ARHGAP15: variants seen among roughly 807,000 people sequenced by gnomAD.
The protein encoded by ARHGAP15 is rho GTPase-activating protein 15.
A neutral mutation model predicts 63.7 loss-of-function variants in ARHGAP15; 51 were observed. The observed-to-expected ratio is 0.80, with a 90% CI of 0.64 to 1.01. ARHGAP15 has a LOEUF of 1.01. Ranked by LOEUF, ARHGAP15 falls within the 50% of genes least tolerant of loss-of-function variation. The probability of loss-of-function intolerance (pLI) is 0.00; values close to 1 mark genes in which losing one functional copy is unlikely to be tolerated. For synonymous variants in ARHGAP15, 191 were observed against 193.8 expected, an observed-to-expected ratio of 0.99 and a Z score of 0.12; for missense variants, 560 against 564.6, an observed-to-expected ratio of 0.99 and a Z score of 0.08.
intron 6 of ARHGAP15, among the ~76,000 whole-genome samples, chr2:143,378,579 T>A (rs1187831532): frequency 6.6e-6 from 1 of 152,068 alleles, no homozygotes; most frequent in East Asian, 1.9e-4. Flanking sequence ...CAAAAATCAA[T>A]GGGAACTTTG....
intron 10 of ARHGAP15, among the ~76,000 whole-genome samples, chr2:143,551,590 A>C (rs1229599528): frequency 1.3e-5 from 2 of 151,460 alleles, no homozygotes; most frequent in East Asian, 3.9e-4. Flanking sequence ...GAAATATAGC[A>C]AAAAAAACTA....
At chr2:143,526,052 A>C (rs2105001557) in intron 10 of ARHGAP15, among the ~76,000 whole-genome samples, 1 of 152,288 alleles carries the variant, frequency 6.6e-6, no homozygotes, top group African/African-American at 2.4e-5. Flanking sequence ...AAAATGCTTG[A>C]AACTTAAACC....
chr2:143,605,919 C>T (rs563385702), intron 11 of ARHGAP15, among the ~76,000 whole-genome samples: 1 of 146,276 alleles, frequency 6.8e-6, no homozygotes, highest in South Asian at 2.3e-4. Flanking sequence ...GCCTGTAGTT[C>T]CAGCTACTTG....
At chr2:143,730,107 C>T (rs1685459657) in intron 13 of ARHGAP15, among the ~76,000 whole-genome samples, 1 of 152,158 alleles carries the variant, frequency 6.6e-6, no homozygotes, top group Admixed American at 6.5e-5. Flanking sequence ...ATAAAGACCA[C>T]CATATATAGA....
chr2:143,263,093 G>T (rs1352348379), intron 6 of ARHGAP15, among the ~76,000 whole-genome samples: 1 of 152,064 alleles, frequency 6.6e-6, no homozygotes, highest in African/African-American at 2.4e-5. Context: ...ACAGGATCCT[G>T]TCTCCAAACT....
At chr2:143,705,863 A>G (rs1458683391) in intron 13 of ARHGAP15, among the ~76,000 whole-genome samples, 1 of 152,210 alleles carries the variant, frequency 6.6e-6, no homozygotes, top group African/African-American at 2.4e-5. Flanking sequence ...ACGATCGTCC[A>G]TGTCCAGGCC....
intron 8 of ARHGAP15, among the ~76,000 whole-genome samples, chr2:143,441,099 G>A (rs1247788292): frequency 2.0e-5 from 3 of 152,058 alleles, no homozygotes; most frequent in Non-Finnish European, 2.9e-5. Context: ...GTAAGTAGGA[G>A]CTCTTATTAT....
chr2:143,392,157 C>T (rs1008085335), intron 6 of ARHGAP15, among the ~76,000 whole-genome samples: 1 of 152,130 alleles, frequency 6.6e-6, no homozygotes, highest in African/African-American at 2.4e-5. Flanking sequence ...GAGAACACAC[C>T]GGAAATATAC....
intron 8 of ARHGAP15, among the ~76,000 whole-genome samples, chr2:143,451,685 A>G (rs2105134708): frequency 6.6e-6 from 1 of 152,100 alleles, no homozygotes; most frequent in Non-Finnish European, 1.5e-5. Context: ...TCTAGATAAT[A>G]TATTTGTTTC....
chr2:143,534,354 G>T (rs1283680137), intron 10 of ARHGAP15, among the ~76,000 whole-genome samples: 1 of 152,068 alleles, frequency 6.6e-6, no homozygotes, highest in Non-Finnish European at 1.5e-5. Flanking sequence ...ATAAATTACC[G>T]AGTCATAGGC....
At chr2:143,703,674 A>G (rs1187624435) in intron 13 of ARHGAP15, 150 bp downstream of exon 13, 2 of 595,332 alleles carry the variant, frequency 3.4e-6, no homozygotes, top group Non-Finnish European at 2.9e-6. Context: ...CAGAAGCTGG[A>G]GAATGTGTTA....
intron 6 of ARHGAP15, among the ~76,000 whole-genome samples, chr2:143,409,612 T>C (rs529756654): frequency 6.6e-6 from 1 of 152,246 alleles, no homozygotes; most frequent in South Asian, 2.1e-4. Flanking sequence ...TAACAATGTT[T>C]TGATCAATGA....
intron 6 of ARHGAP15, among the ~76,000 whole-genome samples, chr2:143,394,836 AC>A (rs1687690062): frequency 6.6e-6 from 1 of 152,154 alleles, no homozygotes. Flanking sequence ...GAGCAATGAG[AC>A]AGTTTATTGA....
chr2:143,565,704 T>G (rs1266830378), intron 11 of ARHGAP15, among the ~76,000 whole-genome samples: 4 of 152,210 alleles, frequency 2.6e-5, no homozygotes, highest in Admixed American at 2.6e-4. Context: ...CGAGATAACT[T>G]ACTGTCCCTC....
At chr2:143,139,796 G>A (rs1444747491) in intron 1 of ARHGAP15, among the ~76,000 whole-genome samples, 4 of 152,066 alleles carry the variant, frequency 2.6e-5, no homozygotes, top group Non-Finnish European at 5.9e-5. Context: ...TACAGAGATA[G>A]TAGTGGTATT....
At chr2:143,628,501 A>G (rs893486529) in intron 12 of ARHGAP15, among the ~76,000 whole-genome samples, 3 of 152,152 alleles carry the variant, frequency 2.0e-5, no homozygotes, top group Non-Finnish European at 4.4e-5. Flanking sequence ...GCAGTTTATG[A>G]GTTTATCCCC....
chr2:143,660,935 G>C (rs1011716835), intron 12 of ARHGAP15, among the ~76,000 whole-genome samples: 37 of 152,258 alleles, frequency 2.4e-4, no homozygotes, highest in African/African-American at 7.9e-4. Flanking sequence ...GTCTGGCACT[G>C]GTCTCACTGG....
intron 13 of ARHGAP15, among the ~76,000 whole-genome samples, chr2:143,718,508 A>T (rs556522214): frequency 6.6e-6 from 1 of 152,222 alleles, no homozygotes; most frequent in East Asian, 1.9e-4. Context: ...ATGTAAAAAG[A>T]AAGTTTAAAA....
intron 5 of ARHGAP15, among the ~76,000 whole-genome samples, chr2:143,241,692 A>T (rs1558835837): frequency 6.6e-6 from 1 of 152,200 alleles, no homozygotes; most frequent in Non-Finnish European, 1.5e-5. Flanking sequence ...GGAGCACAAC[A>T]CACATTTTGG....
Sources: allele counts gnomAD v4.1 joint callset (sites outside exome capture counted in the v4.1 genomes callset), GRCh38; gene constraint gnomAD v4.1.1; transcripts MANE v1.5; gene names NCBI Gene and HGNC (gene_info 2026-07-23, HGNC 2026-07-21).